Variants in SVOPL observed in about 807,000 individuals in gnomAD.
SVOPL encodes the protein SVOP like.
Under a neutral mutation model 61.0 loss-of-function variants are expected in SVOPL, and 60 were observed. That is an observed-to-expected ratio of 0.98 (90% confidence interval 0.80 to 1.22). The LOEUF (loss-of-function observed/expected upper bound fraction) is 1.22, where lower values mean the gene tolerates loss of function less well. SVOPL is among the 50% of genes most tolerant of loss of function. The pLI is 0.00. For missense variants in SVOPL, 662 were observed against 643.9 expected (o/e 1.03, Z -0.30); for synonymous variants, 279 against 250.0 (o/e 1.12, Z -1.09).
chr7:138,603,990 C>T (rs1033850422), intron 14 of SVOPL, among the ~76,000 whole-genome samples: 4 of 134,798 alleles, frequency 3.0e-5, no homozygotes, highest in African/African-American at 5.7e-5. Context: ...ATTGAGACAG[C>T]GTCTCACTCT....
chr7:138,614,134 C>T (rs1470944143), intron 14 of SVOPL, among the ~76,000 whole-genome samples: 4 of 152,172 alleles, frequency 2.6e-5, no homozygotes, highest in African/African-American at 9.7e-5. Flanking sequence ...TCTTTTGGTG[C>T]TCTAACTGCC....
At chr7:138,683,781 C>T (rs1802748311) in intron 1 of SVOPL, among the ~76,000 whole-genome samples, 1 of 152,018 alleles carries the variant, frequency 6.6e-6, no homozygotes, top group African/African-American at 2.4e-5. Flanking sequence ...TGGGCGGGCA[C>T]AATGGCTCAT....
intron 14 of SVOPL, among the ~76,000 whole-genome samples, chr7:138,609,200 G>A (rs537837493): frequency 9.9e-5 from 15 of 152,270 alleles, no homozygotes; most frequent in Admixed American, 7.8e-4. Flanking sequence ...ATCTGTGGCC[G>A]ATATGTGAAG....
In SVOPL at chr7:138,672,127, G is replaced by A. The variant is rs1802436593; in HGVS notation, c.175-10C>T. On this transcript the variant is annotated splice_polypyrimidine_tract_variant and intron_variant, in intron 3 of 15. Transcript: ENST00000674285. ...CCATGGCCTCAACCACCTTAAAGAAGAGGGACACCATGCCATGTCTAAGTG... is the reference window on the plus strand; with the variant it reads ...CCATGGCCTCAACCACCTTAAAGAAAAGGGACACCATGCCATGTCTAAGTG... 4 of 1,551,128 alleles carry A rather than the reference G, an allele frequency of 2.6e-6. No individual in the cohort carries two copies. The highest frequency in any genetic ancestry group is 2.7e-5 in the African/African-American group (2 of 73,038).
rs781186832 is a variant in SVOPL, at chr7:138,594,412, G to A, written c.*198C>T. 2 of 372,116 alleles carry A rather than the reference G, an allele frequency of 5.4e-6. No individual in the cohort carries two copies. The highest frequency in any genetic ancestry group is 9.5e-6 in the Non-Finnish European group (2 of 209,518). The allele number at this position is 372,116 out of a possible 1,614,324, so 23.1% of individuals were successfully genotyped here. The stretch of plus-strand genomic sequence containing the variant: ...AAAGCTTAAATTATATTTTATAAAA[G>A]TACTTTATATATTGTTCCTCAAGGA... On this transcript the variant is annotated 3_prime_UTR_variant, in exon 16 of 16. Transcript: ENST00000674285.
intron 14 of SVOPL, among the ~76,000 whole-genome samples, chr7:138,614,345 CAG>C (rs572955224): frequency 1.8e-4 from 27 of 151,462 alleles, no homozygotes; most frequent in African/African-American, 5.6e-4. Context: ...GCAAATATAT[CAG>C]AGTTTGTACA....
intron 9 of SVOPL, among the ~76,000 whole-genome samples, chr7:138,633,385 G>A (rs1245594704): frequency 6.6e-6 from 1 of 152,098 alleles, no homozygotes; most frequent in African/African-American, 2.4e-5. Flanking sequence ...GCAGTAACGA[G>A]TGAGTTCTCA....
chr7:138,619,388 G>A (rs539086788), intron 14 of SVOPL, among the ~76,000 whole-genome samples: 17 of 151,646 alleles, frequency 1.1e-4, no homozygotes, highest in East Asian at 3.9e-4. Flanking sequence ...GCGACAGAGC[G>A]AGACCCTGTC....
intron 6 of SVOPL, among the ~76,000 whole-genome samples, chr7:138,659,015 C>T (rs546749648): frequency 1.3e-5 from 2 of 152,144 alleles, no homozygotes; most frequent in South Asian, 4.1e-4. Context: ...CTCATTATAT[C>T]CCTCTAGCAT....
chr7:138,626,928 C>T (rs971519537), intron 12 of SVOPL, among the ~76,000 whole-genome samples: 2 of 151,978 alleles, frequency 1.3e-5, no homozygotes, highest in Non-Finnish European at 2.9e-5. Flanking sequence ...ACAAATGATA[C>T]ATATCAGAGC....
intron 1 of SVOPL, among the ~76,000 whole-genome samples, chr7:138,687,481 C>A (rs975771196): frequency 6.6e-6 from 1 of 151,702 alleles, no homozygotes; most frequent in Non-Finnish European, 1.5e-5. Flanking sequence ...GGTGATCCGG[C>A]CAACCTCAGC....
intron 5 of SVOPL, chr7:138,662,178 T>C: frequency 1.0e-6 from 1 of 985,504 alleles, no homozygotes; most frequent in Non-Finnish European, 1.2e-6. Flanking sequence ...AGAGAACTTC[T>C]GCTTTCTCTG....
chr7:138,690,725 C>A (rs1802920759), intron 1 of SVOPL, among the ~76,000 whole-genome samples: 1 of 151,890 alleles, frequency 6.6e-6, no homozygotes, highest in East Asian at 1.9e-4. Flanking sequence ...GTTGCACAAC[C>A]TTGTGAACAT....
intron 9 of SVOPL, among the ~76,000 whole-genome samples, chr7:138,631,496 A>C (rs1359007188): frequency 6.6e-6 from 1 of 151,788 alleles, no homozygotes; most frequent in African/African-American, 2.4e-5. Flanking sequence ...TCCCAATCTG[A>C]CCAAGACCCA....
At chr7:138,631,093 C>G (rs937233755) in intron 9 of SVOPL, among the ~76,000 whole-genome samples, 1 of 152,004 alleles carries the variant, frequency 6.6e-6, no homozygotes. Flanking sequence ...GGATTACAGG[C>G]TGTTTCTAGA....
chr7:138,663,509 C>T, intron 4 of SVOPL: 1 of 1,023,928 alleles, frequency 9.8e-7, no homozygotes, highest in Non-Finnish European at 1.2e-6. Flanking sequence ...CAAATTGGGG[C>T]CACTAGAAGC....
chr7:138,687,464 G>A (rs1802844295), intron 1 of SVOPL, among the ~76,000 whole-genome samples: 1 of 151,442 alleles, frequency 6.6e-6, no homozygotes, highest in Non-Finnish European at 1.5e-5. Context: ...TCAAACTCCT[G>A]ACCTCAGGTG....
intron 1 of SVOPL, among the ~76,000 whole-genome samples, chr7:138,694,327 C>CTCT (rs1803020683): frequency 6.6e-6 from 1 of 151,782 alleles, no homozygotes; most frequent in Non-Finnish European, 1.5e-5. Context: ...TCACTGCAAC[C>CTCT]TCTGCCTCCT....
At chr7:138,607,719 G>A (rs944646478) in intron 14 of SVOPL, among the ~76,000 whole-genome samples, 4 of 152,192 alleles carry the variant, frequency 2.6e-5, no homozygotes, top group African/African-American at 9.6e-5. Context: ...TAGCTGGAAA[G>A]AGGAGAAAAG....
Sources: gnomAD v4.1 joint callset for allele counts (sites outside exome capture counted in the v4.1 genomes callset) on GRCh38, gnomAD v4.1.1 for gene constraint, MANE v1.5 for transcripts, NCBI Gene and HGNC (gene_info 2026-07-23, HGNC 2026-07-21) for gene names.